CACNA2D1: variants seen among roughly 807,000 people sequenced by gnomAD.
CACNA2D1 encodes voltage-dependent calcium channel subunit alpha-2/delta-1.
A neutral mutation model predicts 171.5 loss-of-function variants in CACNA2D1; 53 were observed. The ratio of observed to expected loss-of-function variants is 0.31; its 90% CI spans 0.25 to 0.39. The LOEUF (loss-of-function observed/expected upper bound fraction) is 0.39, where lower values mean the gene tolerates loss of function less well. Ranked by LOEUF, CACNA2D1 falls within the 10% of genes least tolerant of loss-of-function variation. The pLI, the probability that CACNA2D1 is intolerant of heterozygous loss-of-function variation, is 1.00. For missense variants in CACNA2D1, 903 were observed against 1,299.8 expected, an observed-to-expected ratio of 0.69 and a Z score of 4.69; for synonymous variants, 442 against 443.1, an observed-to-expected ratio of 1.00 and a Z score of 0.03.
chr7:82,394,837 G>A (rs1825603353), intron 1 of CACNA2D1, among the ~76,000 whole-genome samples: 1 of 152,152 alleles, frequency 6.6e-6, no homozygotes, highest in Non-Finnish European at 1.5e-5. Context: ...TGTACATAAA[G>A]CCATAGCTCT....
At chr7:82,005,981 T>G in intron 16 of CACNA2D1, 142 bp from the exon 17 acceptor site, 1 of 688,286 alleles carries the variant, frequency 1.5e-6, no homozygotes, top group Admixed American at 2.1e-5. Flanking sequence ...GCACTCTCAG[T>G]GTCAATTTAC....
At chr7:82,366,725 G>T (rs1020369831) in intron 1 of CACNA2D1, among the ~76,000 whole-genome samples, 1 of 151,880 alleles carries the variant, frequency 6.6e-6, no homozygotes, top group Non-Finnish European at 1.5e-5. Flanking sequence ...ATTTTCCTTT[G>T]GGTATATATA....
intron 10 of CACNA2D1, chr7:82,050,693 T>TA: frequency 1.4e-6 from 1 of 698,150 alleles, no homozygotes; most frequent in South Asian, 1.5e-5. Flanking sequence ...GAAAGATTCA[T>TA]AAAGAAATGT....
At chr7:82,394,956 T>C (rs1326283642) in intron 1 of CACNA2D1, among the ~76,000 whole-genome samples, 1 of 152,180 alleles carries the variant, frequency 6.6e-6, no homozygotes, top group African/African-American at 2.4e-5. Flanking sequence ...ATACTTCTTT[T>C]ACCATCAGCC....
chr7:82,266,961 T>C (rs372536507), intron 3 of CACNA2D1, among the ~76,000 whole-genome samples: 1 of 152,348 alleles, frequency 6.6e-6, no homozygotes. Flanking sequence ...GACAAACTAC[T>C]TCTGAAAAAT....
At chr7:82,195,159 AT>A (rs1322797435) in intron 3 of CACNA2D1, among the ~76,000 whole-genome samples, 1 of 152,042 alleles carries the variant, frequency 6.6e-6, no homozygotes, top group African/African-American at 2.4e-5. Flanking sequence ...TGACACTGCA[AT>A]TAGTACCAGG....
intron 34 of CACNA2D1, among the ~76,000 whole-genome samples, chr7:81,963,282 G>A (rs776527024): frequency 6.6e-6 from 1 of 151,716 alleles, no homozygotes; most frequent in East Asian, 1.9e-4. Flanking sequence ...TTTTAGCTGG[G>A]CAAACCTCAA....
chr7:82,069,498 G>A (rs551354557), intron 7 of CACNA2D1, among the ~76,000 whole-genome samples: 3 of 152,268 alleles, frequency 2.0e-5, no homozygotes, highest in South Asian at 4.1e-4. Context: ...TGAACTGTTA[G>A]TGTGTCCTTT....
intron 18 of CACNA2D1, among the ~76,000 whole-genome samples, chr7:82,001,306 C>T (rs80264199): frequency 1.4e-3 from 209 of 152,192 alleles, no homozygotes; most frequent in African/African-American, 4.4e-3. Flanking sequence ...TTTATTTCCA[C>T]GTAGAAGTCA....
chr7:82,219,620 C>CT, intron 3 of CACNA2D1, among the ~76,000 whole-genome samples: 1 of 152,096 alleles, frequency 6.6e-6, no homozygotes, highest in Admixed American at 6.5e-5. Flanking sequence ...ATGTCATTTT[C>CT]TTTGAAGAGC....
intron 18 of CACNA2D1, among the ~76,000 whole-genome samples, chr7:81,999,695 C>A (rs1045293561): frequency 6.6e-5 from 10 of 151,694 alleles, no homozygotes; most frequent in African/African-American, 2.4e-4. Flanking sequence ...GAGGCTGCTG[C>A]AAAAACAAAA....
chr7:82,200,635 T>A lies in CACNA2D1; in HGVS notation c.295-30026A>T, dbSNP rs565227083. ...CTTGAAATTTTTTATAATCCTTTACTTTGATCCTTCAATATTTTACTCTTT... is the reference window on the plus strand; with the variant it reads ...CTTGAAATTTTTTATAATCCTTTACATTGATCCTTCAATATTTTACTCTTT... On this transcript the variant is annotated intron_variant, in intron 3 of 38. Coordinates refer to ENST00000356860, the MANE Select transcript of CACNA2D1 (RefSeq NM_000722.4). Among the ~76,000 whole-genome samples, 146 of 152,338 alleles carry A rather than the reference T, an allele frequency of 9.6e-4. 5 individuals are homozygous for A. The South Asian group carries it at 0.03, about 31-fold the overall frequency.
intron 1 of CACNA2D1, among the ~76,000 whole-genome samples, chr7:82,409,924 C>CA (rs1171536754): frequency 6.6e-6 from 1 of 152,194 alleles, no homozygotes; most frequent in African/African-American, 2.4e-5. Flanking sequence ...TCCTAGGCTA[C>CA]AAACAACACG....
At chr7:82,066,041 T>C (rs17155798) in intron 8 of CACNA2D1, among the ~76,000 whole-genome samples, 48,542 of 151,934 alleles carry the variant, frequency 0.32, 8,079 homozygotes, top group African/African-American at 0.4. Context: ...CTAAGCTATA[T>C]GAATATAACT....
chr7:82,109,226 C>CT (rs3086908), intron 6 of CACNA2D1, among the ~76,000 whole-genome samples: 2,296 of 151,534 alleles, frequency 0.015, 23 homozygotes, highest in Non-Finnish European at 0.02. Flanking sequence ...TTAAAGAACC[C>CT]TTTTTTTTGC....
At chr7:82,415,313 C>T (rs996711814) in intron 1 of CACNA2D1, among the ~76,000 whole-genome samples, 1 of 152,062 alleles carries the variant, frequency 6.6e-6, no homozygotes, top group Admixed American at 6.6e-5. Context: ...ATGGGCGGAT[C>T]ACCTGAGGTC....
At chr7:82,038,294 C>T (rs1314375205) in intron 10 of CACNA2D1, 59 bp from the exon 11 acceptor site, 5 of 1,474,796 alleles carry the variant, frequency 3.4e-6, no homozygotes, top group Non-Finnish European at 4.7e-6. Flanking sequence ...ATATAGTTTT[C>T]ATAGAATTTG....
chr7:82,009,902 G>A (rs1799564310), intron 15 of CACNA2D1, among the ~76,000 whole-genome samples: 1 of 151,888 alleles, frequency 6.6e-6, no homozygotes, highest in African/African-American at 2.4e-5. Context: ...TTTTTATAAA[G>A]AGCTTCACTT....
At chr7:82,411,766 A>AT (rs922881171) in intron 1 of CACNA2D1, among the ~76,000 whole-genome samples, 1 of 152,028 alleles carries the variant, frequency 6.6e-6, no homozygotes, top group African/African-American at 2.4e-5. Flanking sequence ...CTGCATTTTA[A>AT]GGCATTTCTC....
Sources: allele counts gnomAD v4.1 joint callset (sites outside exome capture counted in the v4.1 genomes callset), GRCh38; gene constraint gnomAD v4.1.1; transcripts MANE v1.5; gene names NCBI Gene and HGNC (gene_info 2026-07-23, HGNC 2026-07-21).